Variants in NOX3 observed in about 807,000 individuals in gnomAD.
NOX3 encodes the protein NADPH oxidase 3.
Under a neutral mutation model 76.7 loss-of-function variants are expected in NOX3, and 74 were observed. The ratio of observed to expected loss-of-function variants is 0.96; its 90% CI spans 0.80 to 1.17. NOX3 has a LOEUF of 1.17. Ranked by LOEUF, NOX3 falls within the 50% of genes most tolerant of loss-of-function variation. NOX3 has a pLI of 0.00. For missense variants in NOX3, 695 were observed against 703.3 expected, an observed-to-expected ratio of 0.99 and a Z score of 0.13; for synonymous variants, 263 against 261.1, an observed-to-expected ratio of 1.01 and a Z score of -0.07.
chr6:155,406,411 C>T (rs998720654), intron 12 of NOX3, among the ~76,000 whole-genome samples: 3 of 152,040 alleles, frequency 2.0e-5, no homozygotes, highest in East Asian at 1.9e-4. Context: ...GACCCCAGAA[C>T]AAGTATTCTT....
intron 12 of NOX3, among the ~76,000 whole-genome samples, chr6:155,403,410 T>C (rs1015511635): frequency 2.0e-5 from 3 of 152,186 alleles, no homozygotes; most frequent in South Asian, 2.1e-4. Context: ...CTTGAAGCTA[T>C]ATAACAAGTT....
intron 10 of NOX3, among the ~76,000 whole-genome samples, chr6:155,411,782 C>A (rs758703847): frequency 6.6e-6 from 1 of 152,156 alleles, no homozygotes; most frequent in Admixed American, 6.5e-5. Context: ...CCAGAGACCC[C>A]AAAGGCTTGG....
intron 10 of NOX3, among the ~76,000 whole-genome samples, chr6:155,420,374 T>G (rs1776673874): frequency 6.6e-6 from 1 of 152,212 alleles, no homozygotes; most frequent in Non-Finnish European, 1.5e-5. Context: ...GAGTGGGATT[T>G]ACTTGGTAGG....
chr6:155,429,103 C>G, intron 8 of NOX3, 56 bp from the exon 9 acceptor site: 1 of 1,437,884 alleles, frequency 7.0e-7, no homozygotes, highest in Non-Finnish European at 9.2e-7. Context: ...AAAGAAACAC[C>G]TTTCATTCCA....
rs540413320 is a variant in NOX3, at chr6:155,420,860, C to A, written c.1308+1834G>T. 1.3e-3 allele frequency among the ~76,000 whole-genome samples: 199 copies of A among 152,308 alleles called. 2 individuals carry two copies. The highest frequency in any genetic ancestry group is 4.6e-3 in the African/African-American group (192 of 41,574). On this transcript the variant is annotated intron_variant, in intron 10 of 13. Transcript: ENST00000159060. ...AACCTATTTATACCTTTGGTAGATA[C>A]AATCAGCATTTAGATAATCATCTAT... is the stretch of plus-strand genomic sequence containing the variant.
At chr6:155,447,880 A>T (rs190990581) in intron 4 of NOX3, among the ~76,000 whole-genome samples, 1 of 152,258 alleles carries the variant, frequency 6.6e-6, no homozygotes, top group East Asian at 1.9e-4. Context: ...ACCAGGGGAG[A>T]TACTATTTTT....
intron 6 of NOX3, 98 bp from the exon 7 acceptor site, chr6:155,436,645 G>A: frequency 8.1e-7 from 1 of 1,236,486 alleles, no homozygotes; most frequent in Non-Finnish European, 1.1e-6. Context: ...CCTACAGTGA[G>A]CTCTGAAATA....
chr6:155,454,908 C>T lies in NOX3; in HGVS notation c.158G>A (p.Trp53Ter), dbSNP rs200865731. 14 of 1,592,796 alleles carry T rather than the reference C, an allele frequency of 8.8e-6. No homozygotes were observed. Among genetic ancestry groups the T allele is most frequent in the South Asian group, 1.1e-5 (1 of 88,866 alleles). ...CAGGCACAGTGCGGATGCTCGTGCC[C>T]AAGCCAGTGTTGACTGTCCACATGT... is the stretch of plus-strand genomic sequence containing the variant. ...TRVILGSTLA[W>*]ARASALCLNF... The change falls in exon 3 of 14, where the codon TGG becomes TAG. Residue 53 changes from tryptophan (W) to a stop codon, truncating the protein, a stop_gained. Transcript: ENST00000159060. LOFTEE classifies it high-confidence loss of function.
At chr6:155,427,037 G>T (rs551667672) in intron 9 of NOX3, among the ~76,000 whole-genome samples, 78 of 143,682 alleles carry the variant, frequency 5.4e-4, no homozygotes, top group East Asian at 3.7e-3. Flanking sequence ...GTGCTGGGGG[G>T]GTTGGTGAGG....
intron 1 of NOX3, 53 bp from the exon 2 acceptor site, chr6:155,455,182 T>C (rs1777199118): frequency 8.5e-7 from 1 of 1,180,410 alleles, no homozygotes; most frequent in Non-Finnish European, 1.2e-6. Flanking sequence ...GCTTTTTCTC[T>C]ATTCAAAATC....
chr6:155,407,361 G>T, intron 11 of NOX3, 107 bp from the exon 12 acceptor site: 1 of 1,078,360 alleles, frequency 9.3e-7, no homozygotes, highest in Non-Finnish European at 1.3e-6. Flanking sequence ...TTAAAAATGT[G>T]TACAGGGCTG....
At chr6:155,418,474 T>C (rs1443261235) in intron 10 of NOX3, among the ~76,000 whole-genome samples, 1 of 152,352 alleles carries the variant, frequency 6.6e-6, no homozygotes, top group Middle Eastern at 3.4e-3. Context: ...ATTTCTTTCA[T>C]GTATTACAAC....
intron 10 of NOX3, among the ~76,000 whole-genome samples, chr6:155,415,772 A>G (rs1057239315): frequency 6.6e-6 from 1 of 150,870 alleles, no homozygotes; most frequent in South Asian, 2.1e-4. Flanking sequence ...GGATGAAAGG[A>G]TATGTTTTAC....
At chr6:155,416,303 G>A (rs1776620512) in intron 10 of NOX3, among the ~76,000 whole-genome samples, 1 of 152,204 alleles carries the variant, frequency 6.6e-6, no homozygotes, top group South Asian at 2.1e-4. Context: ...TTTCCAAAAG[G>A]AGAATTTCTC....
At chr6:155,425,464 C>A (rs1776744590) in intron 9 of NOX3, among the ~76,000 whole-genome samples, 1 of 152,112 alleles carries the variant, frequency 6.6e-6, no homozygotes, top group Non-Finnish European at 1.5e-5. Context: ...CAGCAGCACC[C>A]CACCCTACCC....
chr6:155,404,410 A>G (rs1198369635), intron 12 of NOX3, among the ~76,000 whole-genome samples: 1 of 152,106 alleles, frequency 6.6e-6, no homozygotes, highest in East Asian at 1.9e-4. Flanking sequence ...TTTGGAGAGA[A>G]GGTAGAACCA....
At chr6:155,438,289 C>CATCCCAAGTACAAA (rs1431720307) in intron 6 of NOX3, among the ~76,000 whole-genome samples, 1 of 152,146 alleles carries the variant, frequency 6.6e-6, no homozygotes, top group Non-Finnish European at 1.5e-5. Flanking sequence ...CCACCTTGCC[C>CATCCCAAGTACAAA]ATCCCAAGTA....
Position 155,430,952 on chromosome 6 carries a change from A to T in NOX3, c.799-17T>A, listed in dbSNP as rs1283047597. ...TTTCCAAGCCTGAAGAGAGTAGCAGAGAGAGAGAGAAAAAGGAAATGAAAA... is the reference window on the plus strand; with the variant it reads ...TTTCCAAGCCTGAAGAGAGTAGCAGTGAGAGAGAGAAAAAGGAAATGAAAA... On this transcript the variant is annotated splice_polypyrimidine_tract_variant and intron_variant, in intron 7 of 13. Transcript: ENST00000159060. The T allele has an allele frequency of 1.4e-5, 20 of 1,432,412 alleles. No individual in the cohort carries two copies. The highest frequency in any genetic ancestry group is 2.0e-5 in the Non-Finnish European group (20 of 1,023,076). The allele number at this position is 1,432,412 out of a possible 1,614,324, so 88.7% of individuals were successfully genotyped here.
At chr6:155,410,862 A>C (rs1347159397) in intron 11 of NOX3, among the ~76,000 whole-genome samples, 1 of 152,264 alleles carries the variant, frequency 6.6e-6, no homozygotes, top group Non-Finnish European at 1.5e-5. Context: ...AAACAGAACC[A>C]GTCAGGAACT....
Sources: gnomAD v4.1 joint callset for allele counts (sites outside exome capture counted in the v4.1 genomes callset) on GRCh38, gnomAD v4.1.1 for gene constraint, MANE v1.5 for transcripts, NCBI Gene and HGNC (gene_info 2026-07-23, HGNC 2026-07-21) for gene names.